TMEM108: variants seen among roughly 807,000 people sequenced by gnomAD.
The protein encoded by TMEM108 is transmembrane protein 108.
A neutral mutation model predicts 35.1 loss-of-function variants in TMEM108; 12 were observed. The ratio of observed to expected loss-of-function variants is 0.34; its 90% CI spans 0.22 to 0.55. The LOEUF (loss-of-function observed/expected upper bound fraction) is 0.55, where lower values mean the gene tolerates loss of function less well. Among genes scored for constraint, TMEM108 ranks in the 20% least tolerant of loss-of-function variants. The pLI, the probability that TMEM108 is intolerant of heterozygous loss-of-function variation, is 0.89. For missense variants in TMEM108, 680 were observed against 753.3 expected, an observed-to-expected ratio of 0.90 and a Z score of 1.14; for synonymous variants, 287 against 308.6, an observed-to-expected ratio of 0.93 and a Z score of 0.73.
chr3:133,173,147 C>T (rs968995704), intron 2 of TMEM108, among the ~76,000 whole-genome samples: 4 of 152,156 alleles, frequency 2.6e-5, no homozygotes, highest in African/African-American at 9.7e-5. Context: ...AAGAAGGCAG[C>T]AAAAAGAAGG....
intron 2 of TMEM108, among the ~76,000 whole-genome samples, chr3:133,111,065 G>A (rs1163429490): frequency 6.6e-6 from 1 of 152,178 alleles, no homozygotes; most frequent in East Asian, 1.9e-4. Flanking sequence ...GGGGGCCATA[G>A]ATGTGTGCTC....
intron 2 of TMEM108, among the ~76,000 whole-genome samples, chr3:133,186,842 A>G (rs961600817): frequency 6.6e-6 from 1 of 151,968 alleles, no homozygotes; most frequent in Non-Finnish European, 1.5e-5. Flanking sequence ...GCAAATTAAT[A>G]TATATCATTT....
chr3:133,296,310 C>A (rs1164885120), intron 3 of TMEM108, among the ~76,000 whole-genome samples: 1 of 152,082 alleles, frequency 6.6e-6, no homozygotes, highest in East Asian at 1.9e-4. Flanking sequence ...GCCCCCAGAG[C>A]CCTTGCTTTT....
At chr3:133,345,730 G>A (rs1350490411) in intron 3 of TMEM108, among the ~76,000 whole-genome samples, 1 of 151,946 alleles carries the variant, frequency 6.6e-6, no homozygotes, top group African/African-American at 2.4e-5. Flanking sequence ...TTCAAATTAA[G>A]TTCTGCTCTG....
chr3:133,343,562 G>T (rs1513364), intron 3 of TMEM108, among the ~76,000 whole-genome samples: 17,839 of 151,856 alleles, frequency 0.12, 1,450 homozygotes, highest in East Asian at 0.38. Context: ...CAAGGTTGCT[G>T]ATTTGTGCAA....
intron 2 of TMEM108, among the ~76,000 whole-genome samples, chr3:133,160,636 C>T (rs986717266): frequency 2.6e-5 from 4 of 152,210 alleles, no homozygotes; most frequent in African/African-American, 9.6e-5. Context: ...TGGAGCTTCT[C>T]CCAGGGTAGA....
intron 2 of TMEM108, among the ~76,000 whole-genome samples, chr3:133,147,313 T>G (rs1367870312): frequency 6.6e-6 from 1 of 152,254 alleles, no homozygotes; most frequent in Non-Finnish European, 1.5e-5. Context: ...GATTCCACTG[T>G]GGTCTGAGAG....
chr3:133,282,868 A>G (rs897331048), intron 3 of TMEM108, among the ~76,000 whole-genome samples: 8 of 152,354 alleles, frequency 5.3e-5, no homozygotes, highest in Middle Eastern at 3.4e-3. Context: ...AGGGACTACT[A>G]AGGAGCAGTT....
intron 2 of TMEM108, among the ~76,000 whole-genome samples, chr3:133,067,776 G>A (rs893023032): frequency 6.6e-6 from 1 of 152,104 alleles, no homozygotes; most frequent in African/African-American, 2.4e-5. Context: ...TGAATAACAT[G>A]GAAATGAACT....
intron 2 of TMEM108, among the ~76,000 whole-genome samples, chr3:133,168,793 T>G (rs1054613870): frequency 1.3e-5 from 2 of 152,146 alleles, no homozygotes; most frequent in African/African-American, 2.4e-5. Context: ...ACTCTTTGGG[T>G]TTACTTTGCC....
intron 5 of TMEM108, among the ~76,000 whole-genome samples, chr3:133,390,975 A>G (rs552034044): frequency 6.6e-6 from 1 of 152,312 alleles, no homozygotes; most frequent in Admixed American, 6.5e-5. Flanking sequence ...TGAACCCAGG[A>G]CTTTAACCAC....
chr3:133,278,367 T>C (rs1946866377), intron 3 of TMEM108, among the ~76,000 whole-genome samples: 1 of 152,248 alleles, frequency 6.6e-6, no homozygotes, highest in South Asian at 2.1e-4. Context: ...TGGTGTTCCA[T>C]ATAGTTGGTG....
chr3:133,193,894 G>T (rs1436136058), intron 2 of TMEM108, among the ~76,000 whole-genome samples: 1 of 150,402 alleles, frequency 6.6e-6, no homozygotes, highest in African/African-American at 2.4e-5. Context: ...TAATTGTAAG[G>T]TTTAATGAAA....
intron 2 of TMEM108, among the ~76,000 whole-genome samples, chr3:133,096,165 G>A (rs1365149666): frequency 2.0e-5 from 3 of 152,110 alleles, no homozygotes; most frequent in Admixed American, 6.5e-5. Flanking sequence ...GGTGGTTTTT[G>A]TTTGGTTTTT....
intron 2 of TMEM108, among the ~76,000 whole-genome samples, chr3:133,140,317 C>T (rs1198172729): frequency 6.6e-6 from 1 of 152,134 alleles, no homozygotes; most frequent in Non-Finnish European, 1.5e-5. Flanking sequence ...TTATCTCCTA[C>T]GAGCCCTGCA....
At chr3:133,105,474 C>T (rs982645632) in intron 2 of TMEM108, among the ~76,000 whole-genome samples, 1 of 152,136 alleles carries the variant, frequency 6.6e-6, no homozygotes, top group African/African-American at 2.4e-5. Context: ...TTTAAGGACT[C>T]GGGTGATTAC....
intron 2 of TMEM108, among the ~76,000 whole-genome samples, chr3:133,139,225 A>G (rs1006591212): frequency 6.6e-6 from 1 of 152,304 alleles, no homozygotes; most frequent in East Asian, 1.9e-4. Flanking sequence ...ATAAACATAC[A>G]TGTGCATGTG....
chr3:133,365,421 A>G (rs570394118), intron 3 of TMEM108, among the ~76,000 whole-genome samples: 2 of 152,194 alleles, frequency 1.3e-5, no homozygotes, highest in Non-Finnish European at 2.9e-5. Context: ...GGAAAGAGAA[A>G]AGGGAGGGCA....
intron 3 of TMEM108, among the ~76,000 whole-genome samples, chr3:133,294,549 G>T (rs1947116573): frequency 6.6e-6 from 1 of 152,096 alleles, no homozygotes; most frequent in African/African-American, 2.4e-5. Context: ...TGGGGGATTT[G>T]CCTCCTATGA....
Sources: gnomAD v4.1 joint callset for allele counts (sites outside exome capture counted in the v4.1 genomes callset) on GRCh38, gnomAD v4.1.1 for gene constraint, MANE v1.5 for transcripts, NCBI Gene and HGNC (gene_info 2026-07-23, HGNC 2026-07-21) for gene names.